Variants in NRG1 observed in about 807,000 individuals in gnomAD.
NRG1 encodes the protein neuregulin 1.
A neutral mutation model predicts 63.8 loss-of-function variants in NRG1; 18 were observed. The observed-to-expected ratio is 0.28, with a 90% CI of 0.19 to 0.42. NRG1 has a LOEUF of 0.42. NRG1 is among the 10% of genes least tolerant of loss of function. The pLI, the probability that NRG1 is intolerant of heterozygous loss-of-function variation, is 1.00. For synonymous variants in NRG1, 302 were observed against 301.3 expected (o/e 1.00, Z -0.02); for missense variants, 762 against 814.7 (o/e 0.94, Z 0.79).
intron 1 of NRG1, among the ~76,000 whole-genome samples, chr8:32,059,639 G>A (rs763478792): frequency 2.6e-5 from 4 of 151,996 alleles, no homozygotes; most frequent in Non-Finnish European, 5.9e-5. Context: ...GAGAAGTCAA[G>A]TACTAGTTTT....
intron 1 of NRG1, among the ~76,000 whole-genome samples, chr8:31,738,487 A>C (rs1173021369): frequency 1.3e-5 from 2 of 152,108 alleles, no homozygotes; most frequent in Non-Finnish European, 2.9e-5. Context: ...TTCTTAAACT[A>C]GGCTTTTCTG....
At chr8:32,193,456 C>A (rs929672358) in intron 1 of NRG1, among the ~76,000 whole-genome samples, 6 of 152,122 alleles carry the variant, frequency 3.9e-5, no homozygotes, top group African/African-American at 1.4e-4. Flanking sequence ...TAATTATCTA[C>A]ACTAATGGAG....
In NRG1 at chr8:32,132,323, A is replaced by G. The variant is rs562818896; in HGVS notation, c.38-463505A>G. Among the ~76,000 whole-genome samples the G allele has an allele frequency of 5.3e-5, 8 of 152,264 alleles. No homozygotes were observed. In the East Asian group the frequency reaches 1.2e-3, roughly 22 times the overall value. ...AAAAGACTGAAATAAGCAACATTTT[A>G]GCACAACATTTGAACAGCCCTTTTC... On this transcript the variant is annotated intron_variant, in intron 1 of 10. Transcript: ENST00000519301.
chr8:32,680,562 A>G (rs920144572), intron 5 of NRG1, among the ~76,000 whole-genome samples: 2 of 152,166 alleles, frequency 1.3e-5, no homozygotes, highest in Non-Finnish European at 2.9e-5. Context: ...GACATAATAT[A>G]GATGATGATG....
chr8:32,712,374 A>G (rs1454893663), intron 5 of NRG1, among the ~76,000 whole-genome samples: 2 of 152,146 alleles, frequency 1.3e-5, no homozygotes, highest in South Asian at 2.1e-4. Flanking sequence ...CATATTTGAT[A>G]CCTTTCTTTT....
In NRG1 at chr8:31,639,288, C is replaced by T. The variant is rs886953306; in HGVS notation, c.-107C>T. 3.7e-5 allele frequency: 51 copies of T among 1,390,356 alleles called. No homozygotes were observed. The Admixed American group carries it at 7.2e-4, about 20-fold the overall frequency. The allele number at this position is 1,390,356 out of a possible 1,614,324, so 86.1% of individuals were successfully genotyped here. ...ACTCGGACTGCAGCCTGTTTGCCGC[C>T]CGTCCTCCCATTGCAGCACTCGGGG... is the stretch of plus-strand genomic sequence containing the variant. On this transcript the variant is annotated 5_prime_UTR_variant, in exon 1 of 11. Transcript: ENST00000519301.
intron 1 of NRG1, among the ~76,000 whole-genome samples, chr8:32,165,130 T>C (rs1341501042): frequency 7.2e-5 from 11 of 151,844 alleles, no homozygotes. Context: ...ACATGTAAGA[T>C]ATTGCCCTTA....
chr8:31,748,266 A>G (rs1025899354), intron 1 of NRG1, among the ~76,000 whole-genome samples: 4 of 151,942 alleles, frequency 2.6e-5, no homozygotes, highest in African/African-American at 9.7e-5. Context: ...TATTCCAGGC[A>G]CTATTATAAA....
intron 1 of NRG1, among the ~76,000 whole-genome samples, chr8:32,360,936 C>T (rs768158462): frequency 3.3e-5 from 5 of 152,062 alleles, no homozygotes; most frequent in African/African-American, 7.2e-5. Context: ...CTATATCTGC[C>T]GTGTACACAA....
intron 1 of NRG1, among the ~76,000 whole-genome samples, chr8:32,091,682 G>T (rs2131274747): frequency 6.6e-6 from 1 of 152,256 alleles, no homozygotes; most frequent in East Asian, 1.9e-4. Context: ...TCCCATTGGA[G>T]AGGATTGACC....
At chr8:32,368,477 A>G (rs1248427288) in intron 1 of NRG1, among the ~76,000 whole-genome samples, 1 of 152,144 alleles carries the variant, frequency 6.6e-6, no homozygotes, top group African/African-American at 2.4e-5. Flanking sequence ...GCTTGAGCCC[A>G]TGAGTTTGAG....
exon 12 of NRG1, chr8:32,766,559 T>C (rs902674579): frequency 1.1e-4 from 16 of 152,246 alleles, no homozygotes; most frequent in African/African-American, 3.9e-4. Context: ...AAAAATTCTG[T>C]TTCAAATTCT....
intron 1 of NRG1, among the ~76,000 whole-genome samples, chr8:31,942,425 A>G (rs1190478733): frequency 1.3e-5 from 2 of 152,210 alleles, no homozygotes; most frequent in South Asian, 2.1e-4. Flanking sequence ...ATGTGAAACC[A>G]TAAAGATTTT....
chr8:31,854,931 A>G (rs1223088263), intron 1 of NRG1, among the ~76,000 whole-genome samples: 5 of 152,064 alleles, frequency 3.3e-5, no homozygotes, highest in Admixed American at 6.5e-5. Context: ...TTTGAGTGAG[A>G]TTCTTAATCC....
chr8:32,601,479 T>G (rs565316166), intron 2 of NRG1, among the ~76,000 whole-genome samples: 1 of 152,294 alleles, frequency 6.6e-6, no homozygotes. Context: ...AAAGTGCTTC[T>G]ATGTAATATC....
At chr8:31,660,546 G>C (rs1054898724) in intron 1 of NRG1, among the ~76,000 whole-genome samples, 1 of 152,208 alleles carries the variant, frequency 6.6e-6, no homozygotes, top group Non-Finnish European at 1.5e-5. Context: ...ATTAAAACAA[G>C]GAGAGTCTTA....
intron 1 of NRG1, among the ~76,000 whole-genome samples, chr8:31,658,988 T>A (rs1363146228): frequency 2.0e-5 from 3 of 152,208 alleles, no homozygotes; most frequent in Non-Finnish European, 4.4e-5. Flanking sequence ...GGTTTGTCGG[T>A]CTGCAGTGTT....
chr8:32,769,895 A>ATTCTCAGT (rs1831670927), downstream of NRG1, among the ~76,000 whole-genome samples: 1 of 152,182 alleles, frequency 6.6e-6, no homozygotes, highest in Non-Finnish European at 1.5e-5. Context: ...AACATGCTTC[A>ATTCTCAGT]AAACTTTATT....
intron 1 of NRG1, among the ~76,000 whole-genome samples, chr8:32,475,968 G>T (rs1042817433): frequency 2.6e-4 from 40 of 152,114 alleles, no homozygotes; most frequent in Non-Finnish European, 5.9e-5. Context: ...TCAATTTTCT[G>T]TTCTAAGAAA....
Sources: allele counts gnomAD v4.1 joint callset (sites outside exome capture counted in the v4.1 genomes callset), GRCh38; gene constraint gnomAD v4.1.1; transcripts MANE v1.5; gene names NCBI Gene and HGNC (gene_info 2026-07-23, HGNC 2026-07-21).